Variants in DHX58 observed in about 807,000 individuals in gnomAD.
DHX58 encodes the protein DExH-box helicase 58.
Under a neutral mutation model 65.0 loss-of-function variants are expected in DHX58, and 51 were observed. The observed-to-expected ratio is 0.78, with a 90% CI of 0.63 to 0.99. DHX58 has a LOEUF of 0.99. DHX58 is among the 50% of genes least tolerant of loss of function. DHX58 has a pLI of 0.00. For synonymous variants in DHX58, 350 were observed against 365.0 expected (o/e 0.96, Z 0.47); for missense variants, 773 against 891.8 (o/e 0.87, Z 1.70).
At position 42,105,741 on chromosome 17, in the gene DHX58, T is replaced by TTCCCCGAAG; in HGVS notation, c.1245_1246insCTTCGGGGA (p.Met415_Thr416insLeuArgGly). 1 of 1,572,968 alleles carries TTCCCCGAAG rather than the reference T, an allele frequency of 6.4e-7. No individual in the cohort carries two copies. Among genetic ancestry groups the TTCCCCGAAG allele is most frequent in the Non-Finnish European group, 8.6e-7 (1 of 1,160,088 alleles). ...TCTTTCCCCGAAGCCCACACCTGGG[T>TTCCCCGAAG]CATGTGGGTGCTCTGGCTGCTGTTC... On this transcript the variant is annotated inframe_insertion, in exon 9 of 14. Coordinates refer to ENST00000251642, the MANE Select transcript of DHX58 (RefSeq NM_024119.3).
chr17:42,106,087 A>G, intron 8 of DHX58, 98 bp from the exon 9 acceptor site: 1 of 1,339,460 alleles, frequency 7.5e-7, no homozygotes, highest in Admixed American at 2.2e-5. Context: ...TAAGCCTAGG[A>G]GGTCAAGGCT....
rs1236419512 is a variant in DHX58, at chr17:42,111,363, G to A, written c.303C>T (p.Ile101=). ...CCATCTGCAGAAGCTCTGCTGTGCAGATGAGCAGGTCATGGCACCGGGCCA... is the reference window on the plus strand; with the variant it reads ...CCATCTGCAGAAGCTCTGCTGTGCAAATGAGCAGGTCATGGCACCGGGCCA... ...GHLARCHDLL[I]CTAELLQMAL... Residue 101 remains isoleucine (I), a synonymous_variant, in exon 4 of 14, where the codon ATC becomes ATT. Transcript: ENST00000251642. 1 of 1,614,076 alleles carries A rather than the reference G, an allele frequency of 6.2e-7. No individual in the cohort carries two copies. The highest frequency in any genetic ancestry group is 8.5e-7 in the Non-Finnish European group (1 of 1,180,038).
chr17:42,107,561 G>A (rs1398760624), intron 8 of DHX58, 43 bp downstream of exon 8: 24 of 1,500,066 alleles, frequency 1.6e-5, no homozygotes, highest in Non-Finnish European at 2.1e-5. Context: ...CTCGCATCCA[G>A]GTCCCATCAT....
rs1161049624 is a variant in DHX58 at position 42,107,656 on chromosome 17, G to A, written c.945C>T (p.Val315=). The change falls in exon 8 of 14, where the codon GTC becomes GTT. Residue 315 remains valine, a synonymous_variant. Transcript: ENST00000251642. ...ALQDFYHREH[V]TKTQILCAER... is the part of the protein sequence containing the mutation. ...CGGCACACAGGATCTGGGTTTTAGT[G>A]ACGTGCTCCCTGTGATAGAAATCCT... 9 of 1,609,972 alleles carry A rather than the reference G, an allele frequency of 5.6e-6. No individual in the cohort carries two copies. Among genetic ancestry groups the A allele is most frequent in the South Asian group, 2.2e-5 (2 of 90,882 alleles).
In DHX58 at chr17:42,104,852, C is replaced by T. The variant is rs2054030600; in HGVS notation, c.1477G>A (p.Glu493Lys). ...ATEGSRELKR[E>K]LINEALETLM... The stretch of plus-strand genomic sequence containing the variant: ...GTCTCCAGCGCCTCGTTGATCAGCT[C>T]CCGCTTCAGCTCCCGGCTACCTTCA... Residue 493 changes from glutamate to lysine, a missense_variant, in exon 11 of 14, where the codon GAG becomes AAG. Glu to Lys is a moderately conservative substitution (Grantham distance 56). Coordinates refer to ENST00000251642, the MANE Select transcript of DHX58 (RefSeq NM_024119.3). 4 of 1,614,182 alleles carry T rather than the reference C, an allele frequency of 2.5e-6. No homozygotes were observed. The highest frequency in any genetic ancestry group is 3.4e-6 in the Non-Finnish European group (4 of 1,180,030).
chr17:42,105,217 C>T, intron 9 of DHX58, 50 bp from the exon 10 acceptor site: 1 of 1,539,166 alleles, frequency 6.5e-7, no homozygotes, highest in South Asian at 1.2e-5. Context: ...TGAGGAGGCT[C>T]AGACTGACTC....
At position 42,111,253 on chromosome 17, in the gene DHX58, TA is replaced by T. The variant is rs782200913; in HGVS notation, c.370+42del. 37 of 1,588,170 alleles carry T rather than the reference TA, an allele frequency of 2.3e-5. No individual in the cohort carries two copies. In the East Asian group the frequency reaches 8.4e-4, roughly 36 times the overall value. On this transcript the variant is annotated intron_variant, in intron 4 of 13. Transcript: ENST00000251642. ...GTGCCCTGGGGTTGGCGAAAGGAGGTACCCCAGATGCGTATCTTTTTCCTCC... is the reference window on the plus strand; with the variant it reads ...GTGCCCTGGGGTTGGCGAAAGGAGGTCCCCAGATGCGTATCTTTTTCCTCC...
In DHX58 at chr17:42,107,569, C is replaced by CA. The variant is rs782540000; in HGVS notation, c.997+34dup. On this transcript the variant is annotated intron_variant, in intron 8 of 13. Coordinates refer to ENST00000251642, the MANE Select transcript of DHX58 (RefSeq NM_024119.3). ...CTCTGACCTCGCATCCAGGTCCCAT[C>CA]ATCCCCGGCCCCGAAGCCCCCTCCC... is the stretch of plus-strand genomic sequence containing the variant. The CA allele has an allele frequency of 4.3e-4, 657 of 1,511,348 alleles. 1 individual carries two copies. The Middle Eastern group carries it at 0.011, about 26-fold the overall frequency. 93.6% of individuals were successfully genotyped at this position (1,511,348 alleles called of 1,614,324 possible).
chr17:42,110,875 G>A lies in DHX58; in HGVS notation c.409C>T (p.His137Tyr), dbSNP rs138687684. ...ATGACGTTGTAGACGGTGTCCTTGTGCGTGTGGTGGCACTCATCCACCACG... is the reference window on the plus strand; with the variant it reads ...ATGACGTTGTAGACGGTGTCCTTGTACGTGTGGTGGCACTCATCCACCACG... ...LIVVDECHHT[H>Y]KDTVYNVIMS... The change falls in exon 5 of 14, where the codon CAC becomes TAC. Residue 137 changes from histidine (H) to tyrosine (Y), a missense_variant. Transcript: ENST00000251642. 150 of 1,613,116 alleles carry A rather than the reference G, an allele frequency of 9.3e-5. No homozygotes were observed. The African/African-American group carries it at 1.7e-3, about 19-fold the overall frequency.
At position 42,104,931 on chromosome 17, in the gene DHX58, GGAA is replaced by G; in HGVS notation, c.1402-7_1402-5del. On this transcript the variant is annotated splice_polypyrimidine_tract_variant and splice_region_variant and intron_variant, in intron 10 of 13. Transcript: ENST00000251642. ...CGGCCCGGGCACGGCCCCTGGCCTG[GGAA>G]GAGAGACAAGGGGTGTCCTGAGTTG... 1 of 1,614,024 alleles carries G rather than the reference GGAA, an allele frequency of 6.2e-7. No homozygotes were observed. The highest frequency in any genetic ancestry group is 1.1e-5 in the South Asian group (1 of 91,088).
At chr17:42,107,819 T>C (rs1555663134) in intron 7 of DHX58, 24 bp from the exon 8 acceptor site, 2 of 1,551,276 alleles carry the variant, frequency 1.3e-6, no homozygotes, top group South Asian at 2.4e-5. Context: ...GCGCAGGGTC[T>C]GAGCAGCCCA....
chr17:42,106,423 C>A (rs1176057837), intron 8 of DHX58, among the ~76,000 whole-genome samples: 3 of 98,952 alleles, frequency 3.0e-5, no homozygotes, highest in Non-Finnish European at 5.6e-5. Context: ...GGACTGTAGG[C>A]GTGCAGAAGG....
At chr17:42,111,159 C>T in intron 4 of DHX58, 137 bp downstream of exon 4, 1 of 1,121,496 alleles carries the variant, frequency 8.9e-7, no homozygotes, top group Non-Finnish European at 1.3e-6. Flanking sequence ...TACTAGAGTG[C>T]CTGCAGGGGT....
At chr17:42,109,849 C>A (rs1231916569) in intron 5 of DHX58, among the ~76,000 whole-genome samples, 1 of 148,332 alleles carries the variant, frequency 6.7e-6, no homozygotes, top group African/African-American at 2.5e-5. Flanking sequence ...GAGCCAAGAT[C>A]GTGCCACTGC....
rs746668394 is a variant in DHX58 at position 42,104,205 on chromosome 17, C to CG, written c.1564-408dup. 1.5e-3 allele frequency among the ~76,000 whole-genome samples: 216 copies of CG among 147,692 alleles called. 1 individual carries two copies. Among genetic ancestry groups the CG allele is most frequent in the Middle Eastern group, 0.01 (3 of 294 alleles). ...TGGGTGACAGAGTGAGACTCCGTCTCGGGGAAAAAAAAAAAAACAGCTATG... is the reference window on the plus strand; with the variant it reads ...TGGGTGACAGAGTGAGACTCCGTCTCGGGGGAAAAAAAAAAAAACAGCTATG... On this transcript the variant is annotated intron_variant, in intron 11 of 13. Coordinates refer to ENST00000251642, the MANE Select transcript of DHX58 (RefSeq NM_024119.3).
chr17:42,107,691 C>T lies in DHX58; in HGVS notation c.910G>A (p.Ala304Thr). 1 of 1,612,834 alleles carries T rather than the reference C, an allele frequency of 6.2e-7. No homozygotes were observed. The highest frequency in any genetic ancestry group is 2.2e-5 in the East Asian group (1 of 44,842). ...CTGTGATAGAAATCCTGCAGCGCAGCCAAGGCATCCACGGCGCGGACGGTG... is the reference window on the plus strand; with the variant it reads ...CTGTGATAGAAATCCTGCAGCGCAGTCAAGGCATCCACGGCGCGGACGGTG... The part of the protein sequence containing the change: ...HDTVRAVDAL[A>T]ALQDFYHREH... Residue 304 changes from alanine (A) to threonine (T), a missense_variant, in exon 8 of 14, where the codon GCT becomes ACT. By Grantham distance (58) the Ala-to-Thr change is moderately conservative. Transcript: ENST00000251642.
chr17:42,102,535 G>C (rs1396671796), intron 12 of DHX58: 6 of 519,576 alleles, frequency 1.2e-5, no homozygotes, highest in Non-Finnish European at 2.1e-5. Context: ...TCGGTTACCT[G>C]GTCTTCACAG....
Position 42,104,944 on chromosome 17 carries a change from G to A in DHX58, c.1402-17C>T, listed in dbSNP as rs782405296. ...GCCCCTGGCCTGGGAAGAGAGACAA[G>A]GGGTGTCCTGAGTTGGGCTGGGGCC... On this transcript the variant is annotated splice_polypyrimidine_tract_variant and intron_variant, in intron 10 of 13. Transcript: ENST00000251642. The A allele has an allele frequency of 1.8e-5, 29 of 1,613,700 alleles. No homozygotes were observed. Among genetic ancestry groups the A allele is most frequent in the Non-Finnish European group, 2.4e-5 (28 of 1,179,868 alleles).
At chr17:42,106,074 G>A (rs2054053682) in intron 8 of DHX58, 85 bp from the exon 9 acceptor site, 5 of 1,462,668 alleles carry the variant, frequency 3.4e-6, no homozygotes, top group Admixed American at 4.0e-5. Flanking sequence ...CAGAAGGATC[G>A]CTTAAGCCTA....
Sources: gnomAD v4.1 joint callset for allele counts (sites outside exome capture counted in the v4.1 genomes callset) on GRCh38, gnomAD v4.1.1 for gene constraint, MANE v1.5 for transcripts, NCBI Gene and HGNC (gene_info 2026-07-23, HGNC 2026-07-21) for gene names.